Variants in CSGALNACT1 observed in about 807,000 individuals in gnomAD.
CSGALNACT1 encodes the protein chondroitin sulfate N-acetylgalactosaminyltransferase 1.
Under a neutral mutation model 51.0 loss-of-function variants are expected in CSGALNACT1, and 52 were observed. That is an observed-to-expected ratio of 1.02 (90% CI 0.82 to 1.29). CSGALNACT1 has a LOEUF of 1.29. CSGALNACT1 is among the 50% of genes most tolerant of loss of function. CSGALNACT1 has a pLI of 0.00. For missense variants in CSGALNACT1, 935 were observed against 679.2 expected, an observed-to-expected ratio of 1.38 and a Z score of -4.19; for synonymous variants, 341 against 254.4, an observed-to-expected ratio of 1.34 and a Z score of -3.24.
intron 4 of CSGALNACT1, among the ~76,000 whole-genome samples, chr8:19,490,616 G>A (rs2074161655): frequency 6.6e-6 from 1 of 152,132 alleles, no homozygotes; most frequent in Non-Finnish European, 1.5e-5. Flanking sequence ...CCAGCTTAGT[G>A]CTATATGCTG....
intron 6 of CSGALNACT1, among the ~76,000 whole-genome samples, chr8:19,420,782 T>C (rs2057801265): frequency 1.3e-5 from 2 of 152,212 alleles, no homozygotes; most frequent in South Asian, 4.1e-4. Flanking sequence ...AACACTCTTG[T>C]CATCATTAAT....
At chr8:19,592,773 T>C (rs1301806505) in intron 2 of CSGALNACT1, among the ~76,000 whole-genome samples, 2 of 151,450 alleles carry the variant, frequency 1.3e-5, no homozygotes, top group African/African-American at 2.4e-5. Flanking sequence ...CTGTCTCTAA[T>C]GAAAAAAAAA....
At chr8:19,745,758 G>T (rs1283463179) in intron 1 of CSGALNACT1, among the ~76,000 whole-genome samples, 1 of 152,192 alleles carries the variant, frequency 6.6e-6, no homozygotes, top group Non-Finnish European at 1.5e-5. Flanking sequence ...AGGTCCTGCT[G>T]CTCACAGCAC....
At chr8:19,477,307 C>T (rs1719649982) in intron 4 of CSGALNACT1, among the ~76,000 whole-genome samples, 1 of 152,170 alleles carries the variant, frequency 6.6e-6, no homozygotes, top group Non-Finnish European at 1.5e-5. Flanking sequence ...AAAGATTTTC[C>T]TCAGAAAAAA....
At chr8:19,692,972 C>T (rs2061405591) in intron 1 of CSGALNACT1, among the ~76,000 whole-genome samples, 2 of 152,202 alleles carry the variant, frequency 1.3e-5, no homozygotes, top group African/African-American at 4.8e-5. Context: ...TTCTCGCAGG[C>T]TTGCTCTGCT....
chr8:19,566,414 T>A (rs533234517), intron 3 of CSGALNACT1, among the ~76,000 whole-genome samples: 4 of 152,256 alleles, frequency 2.6e-5, no homozygotes, highest in East Asian at 1.9e-4. Context: ...GAAAATAAAT[T>A]TTTTTGTTAA....
chr8:19,551,054 T>C (rs1245954011), intron 3 of CSGALNACT1, among the ~76,000 whole-genome samples: 6 of 152,232 alleles, frequency 3.9e-5, no homozygotes, highest in South Asian at 4.1e-4. Context: ...GCAGAGCTTG[T>C]GGTTCTGAAA....
chr8:19,528,338 G>A (rs2082106656), intron 3 of CSGALNACT1, among the ~76,000 whole-genome samples: 1 of 150,942 alleles, frequency 6.6e-6, no homozygotes, highest in Non-Finnish European at 1.5e-5. Context: ...TCACGGCAAG[G>A]TCATGTTATT....
chr8:19,509,901 A>G (rs1230774736), intron 3 of CSGALNACT1, among the ~76,000 whole-genome samples: 1 of 152,190 alleles, frequency 6.6e-6, no homozygotes, highest in Non-Finnish European at 1.5e-5. Context: ...TTGAGCTACT[A>G]TTTTAAGAAC....
intron 1 of CSGALNACT1, among the ~76,000 whole-genome samples, chr8:19,608,379 A>T (rs2051706315): frequency 6.6e-6 from 1 of 152,242 alleles, no homozygotes; most frequent in South Asian, 2.1e-4. Context: ...TACCAAGTTC[A>T]GTCCCGGTTC....
intron 1 of CSGALNACT1, among the ~76,000 whole-genome samples, chr8:19,736,396 G>GTCTCTAAAAA (rs2063975970): frequency 6.6e-6 from 1 of 151,876 alleles, no homozygotes; most frequent in African/African-American, 2.4e-5. Context: ...AGTTTCTATA[G>GTCTCTAAAAA]GATAGTCTCT....
At chr8:19,580,773 T>A (rs1758606966) in intron 3 of CSGALNACT1, among the ~76,000 whole-genome samples, 1 of 152,230 alleles carries the variant, frequency 6.6e-6, no homozygotes, top group Non-Finnish European at 1.5e-5. Flanking sequence ...CTACAATTAC[T>A]GTGTTCAAGA....
At chr8:19,445,487 A>G (rs1053294666) in intron 5 of CSGALNACT1, among the ~76,000 whole-genome samples, 1 of 152,196 alleles carries the variant, frequency 6.6e-6, no homozygotes, top group Non-Finnish European at 1.5e-5. Flanking sequence ...AGGCGTCTTA[A>G]AAAAGGCAAA....
At chr8:19,627,970 G>T (rs1019272241) in intron 1 of CSGALNACT1, among the ~76,000 whole-genome samples, 2 of 152,184 alleles carry the variant, frequency 1.3e-5, no homozygotes, top group Non-Finnish European at 2.9e-5. Flanking sequence ...AGAAAGCTGG[G>T]AGAAGGAACC....
At chr8:19,622,243 G>A (rs2053912808) in intron 1 of CSGALNACT1, among the ~76,000 whole-genome samples, 1 of 152,196 alleles carries the variant, frequency 6.6e-6, no homozygotes, top group Non-Finnish European at 1.5e-5. Flanking sequence ...AAACACGGTG[G>A]TTGTTTTATT....
intron 1 of CSGALNACT1, among the ~76,000 whole-genome samples, chr8:19,740,901 C>G (rs1056895719): frequency 2.6e-5 from 4 of 152,082 alleles, no homozygotes; most frequent in Non-Finnish European, 4.4e-5. Flanking sequence ...GTTACATACC[C>G]ACATATGTAT....
chr8:19,571,047 C>A (rs932126328), intron 3 of CSGALNACT1, among the ~76,000 whole-genome samples: 3 of 152,174 alleles, frequency 2.0e-5, no homozygotes, highest in African/African-American at 7.2e-5. Context: ...GGCACAATCA[C>A]TGCAGCCTCA....
At chr8:19,598,336 A>G (rs974588437) in intron 2 of CSGALNACT1, among the ~76,000 whole-genome samples, 7 of 152,220 alleles carry the variant, frequency 4.6e-5, no homozygotes, top group African/African-American at 1.7e-4. Context: ...GCCCAGGAGT[A>G]TAAATTAAAA....
chr8:19,706,605 A>G (rs1195332086), intron 1 of CSGALNACT1, among the ~76,000 whole-genome samples: 1 of 152,162 alleles, frequency 6.6e-6, no homozygotes, highest in Non-Finnish European at 1.5e-5. Flanking sequence ...AATGGGGAAC[A>G]AGTAAATAGC....
Sources: gnomAD v4.1 joint callset for allele counts (sites outside exome capture counted in the v4.1 genomes callset) on GRCh38, gnomAD v4.1.1 for gene constraint, MANE v1.5 for transcripts, NCBI Gene and HGNC (gene_info 2026-07-23, HGNC 2026-07-21) for gene names.